BBS9: variants seen among roughly 807,000 people sequenced by gnomAD.
BBS9 encodes the protein Bardet-Biedl syndrome 9, also known as protein PTHB1.
BBS9 carries 89 observed loss-of-function variants against 117.7 expected under a neutral mutation model. The observed-to-expected ratio is 0.76, with a 90% confidence interval of 0.64 to 0.90. The LOEUF (loss-of-function observed/expected upper bound fraction) is 0.90, where lower values mean the gene tolerates loss of function less well. Ranked by LOEUF, BBS9 falls within the 40% of genes least tolerant of loss-of-function variation. The pLI, the probability that BBS9 is intolerant of heterozygous loss-of-function variation, is 0.00. For missense variants in BBS9, 982 were observed against 1,042.2 expected, an observed-to-expected ratio of 0.94 and a Z score of 0.80; for synonymous variants, 379 against 370.9, an observed-to-expected ratio of 1.02 and a Z score of -0.25.
At chr7:33,382,618 G>C (rs1181920366) in intron 17 of BBS9, among the ~76,000 whole-genome samples, 1 of 152,122 alleles carries the variant, frequency 6.6e-6, no homozygotes, top group Non-Finnish European at 1.5e-5. Context: ...AATGTTATGA[G>C]GCAGTTAAGA....
intron 5 of BBS9, among the ~76,000 whole-genome samples, chr7:33,255,508 G>A (rs527829364): frequency 6.6e-5 from 10 of 152,204 alleles, no homozygotes; most frequent in Non-Finnish European, 1.5e-4. Flanking sequence ...TGAGAAGGCT[G>A]AAGCTACAGG....
intron 21 of BBS9, among the ~76,000 whole-genome samples, chr7:33,622,449 A>C (rs1865455927): frequency 6.6e-6 from 1 of 152,158 alleles, no homozygotes. Flanking sequence ...GTAGATCCTA[A>C]ATACTCTCAC....
chr7:33,263,193 A>C (rs927071964), intron 6 of BBS9, among the ~76,000 whole-genome samples: 3 of 152,170 alleles, frequency 2.0e-5, no homozygotes, highest in Non-Finnish European at 4.4e-5. Flanking sequence ...TCTGCATTCA[A>C]CTGAAGTTAC....
chr7:33,165,188 C>A (rs868063435), intron 4 of BBS9, among the ~76,000 whole-genome samples: 1 of 152,088 alleles, frequency 6.6e-6, no homozygotes. Context: ...GAGTTTCTGC[C>A]GAGAGATCCG....
chr7:33,170,213 G>A (rs1796332858), intron 4 of BBS9, among the ~76,000 whole-genome samples: 1 of 150,516 alleles, frequency 6.6e-6, no homozygotes, highest in Admixed American at 6.6e-5. Context: ...ATAAAATACT[G>A]GCAAACCGAA....
chr7:33,452,165 A>G (rs980083635), intron 19 of BBS9, among the ~76,000 whole-genome samples: 9 of 151,724 alleles, frequency 5.9e-5, no homozygotes, highest in Non-Finnish European at 1.3e-4. Flanking sequence ...GGATCTTACC[A>G]ACACAGGATA....
chr7:33,515,554 T>G (rs556269056), intron 20 of BBS9, among the ~76,000 whole-genome samples: 1 of 152,220 alleles, frequency 6.6e-6, no homozygotes, highest in Non-Finnish European at 1.5e-5. Flanking sequence ...GTACGTTGCC[T>G]GAAGTTAAGA....
At chr7:33,388,469 T>C (rs914341629) in intron 19 of BBS9, among the ~76,000 whole-genome samples, 2 of 152,230 alleles carry the variant, frequency 1.3e-5, no homozygotes, top group Admixed American at 1.3e-4. Flanking sequence ...AAATAGTAGC[T>C]ATTATGATTA....
intron 8 of BBS9, 28 bp downstream of exon 8, chr7:33,273,223 T>G: frequency 1.2e-6 from 2 of 1,611,040 alleles, no homozygotes; most frequent in Non-Finnish European, 1.7e-6. Context: ...CTTTTATCTC[T>G]TCCATATGTC....
intron 9 of BBS9, among the ~76,000 whole-genome samples, chr7:33,329,208 A>C (rs1251655812): frequency 2.6e-5 from 4 of 151,930 alleles, no homozygotes; most frequent in Non-Finnish European, 5.9e-5. Flanking sequence ...TTTAGTAGAG[A>C]TGGGGTTTCA....
intron 19 of BBS9, among the ~76,000 whole-genome samples, chr7:33,405,248 A>C (rs2128802607): frequency 6.6e-6 from 1 of 152,304 alleles, no homozygotes; most frequent in East Asian, 1.9e-4. Context: ...TCGGTTTGCC[A>C]GTATTTTATT....
At chr7:33,281,922 CT>C (rs1801983867) in intron 9 of BBS9, among the ~76,000 whole-genome samples, 1 of 151,896 alleles carries the variant, frequency 6.6e-6, no homozygotes, top group Non-Finnish European at 1.5e-5. Context: ...GCAAGCAATC[CT>C]CCCACCTCAG....
At chr7:33,437,534 A>C (rs540282277) in intron 19 of BBS9, among the ~76,000 whole-genome samples, 1 of 152,296 alleles carries the variant, frequency 6.6e-6, no homozygotes, top group East Asian at 1.9e-4. Flanking sequence ...TTACTACTAC[A>C]CAAGAAGTCA....
intron 7 of BBS9, among the ~76,000 whole-genome samples, chr7:33,268,470 C>G (rs1304853132): frequency 2.6e-5 from 4 of 152,196 alleles, no homozygotes; most frequent in Non-Finnish European, 4.4e-5. Flanking sequence ...CTGGAGCAAT[C>G]ATGCCACTCA....
chr7:33,512,717 A>G (rs1156865166), intron 20 of BBS9, among the ~76,000 whole-genome samples: 1 of 152,218 alleles, frequency 6.6e-6, no homozygotes, highest in Non-Finnish European at 1.5e-5. Context: ...AAACATATAC[A>G]TGGAAATTGC....
At chr7:33,321,765 G>A (rs1199563235) in intron 9 of BBS9, among the ~76,000 whole-genome samples, 3 of 152,054 alleles carry the variant, frequency 2.0e-5, no homozygotes, top group African/African-American at 7.2e-5. Context: ...GTGAATAACA[G>A]TGGTGAAAGT....
chr7:33,420,409 A>G (rs1446576270), intron 19 of BBS9, among the ~76,000 whole-genome samples: 2 of 152,154 alleles, frequency 1.3e-5, no homozygotes, highest in Admixed American at 6.5e-5. Context: ...TATGCCAAAC[A>G]AGACCCTGAC....
intron 9 of BBS9, among the ~76,000 whole-genome samples, chr7:33,306,168 G>T (rs182526236): frequency 4.6e-5 from 7 of 152,000 alleles, no homozygotes; most frequent in Admixed American, 3.9e-4. Context: ...TCATTCAGGA[G>T]CATATTGTTT....
chr7:33,528,573 T>A (rs140491003), intron 20 of BBS9, among the ~76,000 whole-genome samples: 223 of 152,216 alleles, frequency 1.5e-3, no homozygotes, highest in Non-Finnish European at 2.7e-3. Flanking sequence ...TTTCTGATTT[T>A]AAAAAAAAGT....
Sources: allele counts gnomAD v4.1 joint callset (sites outside exome capture counted in the v4.1 genomes callset), GRCh38; gene constraint gnomAD v4.1.1; transcripts MANE v1.5; gene names NCBI Gene and HGNC (gene_info 2026-07-23, HGNC 2026-07-21).